GLIS3: variants seen among roughly 807,000 people sequenced by gnomAD.
GLIS3 encodes the protein GLIS family zinc finger 3, also known as zinc finger protein GLIS3.
Under a neutral mutation model 78.6 loss-of-function variants are expected in GLIS3, and 53 were observed. The observed-to-expected ratio is 0.67, with a 90% confidence interval of 0.54 to 0.85. The LOEUF (loss-of-function observed/expected upper bound fraction) is 0.85, where lower values mean the gene tolerates loss of function less well. Ranked by LOEUF, GLIS3 falls within the 40% of genes least tolerant of loss-of-function variation. The probability of loss-of-function intolerance (pLI) is 0.00; values close to 1 mark genes in which losing one functional copy is unlikely to be tolerated. For missense variants in GLIS3, 1,703 were observed against 1,231.1 expected (o/e 1.38, Z -5.74); for synonymous variants, 684 against 509.9 (o/e 1.34, Z -4.60).
At chr9:4,045,182 G>C (rs1235344288) in intron 4 of GLIS3, among the ~76,000 whole-genome samples, 1 of 152,060 alleles carries the variant, frequency 6.6e-6, no homozygotes, top group Non-Finnish European at 1.5e-5. Context: ...TTGCCATTTT[G>C]GCCATATTGA....
At chr9:4,343,475 C>G (rs1454015848) in intron 2 of GLIS3, among the ~76,000 whole-genome samples, 1 of 152,214 alleles carries the variant, frequency 6.6e-6, no homozygotes, top group Non-Finnish European at 1.5e-5. Flanking sequence ...GAAATGTAAA[C>G]TAGTTCAGCT....
chr9:4,433,386 C>A, the GLIS3 span, among the ~76,000 whole-genome samples: 1 of 152,030 alleles, frequency 6.6e-6, no homozygotes, highest in Non-Finnish European at 1.5e-5. Context: ...AAGCAGAGAT[C>A]GCACCACTTC....
the GLIS3 span, among the ~76,000 whole-genome samples, chr9:4,468,315 C>T: frequency 6.6e-6 from 1 of 152,122 alleles, no homozygotes; most frequent in African/African-American, 2.4e-5. Context: ...AGAAGAGCAA[C>T]TCCAAGACAC....
At chr9:3,845,768 G>C (rs556966059) in intron 9 of GLIS3, among the ~76,000 whole-genome samples, 12 of 152,130 alleles carry the variant, frequency 7.9e-5, no homozygotes, top group Non-Finnish European at 1.8e-4. Context: ...CACACACAGT[G>C]GGGTAATCCC....
intron 4 of GLIS3, among the ~76,000 whole-genome samples, chr9:3,960,359 C>T (rs1286863225): frequency 6.6e-6 from 1 of 152,164 alleles, no homozygotes; most frequent in Non-Finnish European, 1.5e-5. Context: ...CTTAAGGCAC[C>T]CAGTTTGTGG....
chr9:4,436,810 CAAAAAAAAAAA>C, the GLIS3 span, among the ~76,000 whole-genome samples: 4 of 53,574 alleles, frequency 7.5e-5, no homozygotes, highest in Non-Finnish European at 9.9e-5. Flanking sequence ...GACTGCATCT[CAAAAAAAAAAA>C]AAAAAAAAAA....
intron 4 of GLIS3, among the ~76,000 whole-genome samples, chr9:4,306,291 G>A (rs1301965041): frequency 6.7e-6 from 1 of 150,158 alleles, no homozygotes; most frequent in Non-Finnish European, 1.5e-5. Context: ...CCCAGGCTGT[G>A]GGTTTTTCAG....
intron 2 of GLIS3, among the ~76,000 whole-genome samples, chr9:4,161,181 G>A (rs1312735426): frequency 6.6e-6 from 1 of 152,016 alleles, no homozygotes; most frequent in Non-Finnish European, 1.5e-5. Context: ...ACAGAGGCAG[G>A]AAGATTGCTT....
the GLIS3 span, among the ~76,000 whole-genome samples, chr9:4,451,619 C>T: frequency 3.9e-5 from 6 of 151,978 alleles, no homozygotes; most frequent in Non-Finnish European, 5.9e-5. Flanking sequence ...CCTCAGCAAA[C>T]GTAAAATAAC....
the GLIS3 span, among the ~76,000 whole-genome samples, chr9:4,376,253 G>A: frequency 6.6e-6 from 1 of 152,230 alleles, no homozygotes; most frequent in East Asian, 1.9e-4. Context: ...ACAGGTTGGT[G>A]GGGAAAACTT....
intron 4 of GLIS3, among the ~76,000 whole-genome samples, chr9:4,058,352 G>A (rs1826319618): frequency 2.0e-5 from 3 of 151,576 alleles, no homozygotes; most frequent in Non-Finnish European, 1.5e-5. Context: ...ATACTGCTCT[G>A]GGTTCAGAAA....
chr9:4,252,077 T>C (rs575271391), intron 2 of GLIS3, among the ~76,000 whole-genome samples: 1 of 152,306 alleles, frequency 6.6e-6, no homozygotes, highest in Admixed American at 6.5e-5. Context: ...CTGATAATTA[T>C]GTGTCTTGGG....
chr9:3,867,540 C>G (rs7022454), intron 8 of GLIS3, among the ~76,000 whole-genome samples: 118,229 of 152,154 alleles, frequency 0.78, 46,102 homozygotes, highest in East Asian at 0.97. Flanking sequence ...TTGAGAAGTA[C>G]CAGAAATTTT....
intron 2 of GLIS3, among the ~76,000 whole-genome samples, chr9:4,150,455 G>C (rs780291452): frequency 6.6e-6 from 1 of 152,234 alleles, no homozygotes; most frequent in Admixed American, 6.5e-5. Flanking sequence ...AGTTCAGTCT[G>C]TGGCAAGCTC....
intron 8 of GLIS3, among the ~76,000 whole-genome samples, chr9:3,870,005 A>C (rs923943663): frequency 1.3e-5 from 2 of 152,198 alleles, no homozygotes; most frequent in Non-Finnish European, 2.9e-5. Context: ...GGAAGTTTTT[A>C]TATAGAAACA....
the GLIS3 span, among the ~76,000 whole-genome samples, chr9:4,442,525 C>T: frequency 9.4e-4 from 143 of 152,200 alleles, 1 homozygote; most frequent in Middle Eastern, 3.4e-3. Flanking sequence ...AAACACTGCT[C>T]TATTTTCCAA....
chr9:4,032,876 C>T (rs1248516716), intron 4 of GLIS3, among the ~76,000 whole-genome samples: 2 of 151,068 alleles, frequency 1.3e-5, no homozygotes, highest in Non-Finnish European at 2.9e-5. Context: ...TTTCCTGAGA[C>T]AGAGTCTCGC....
the GLIS3 span, among the ~76,000 whole-genome samples, chr9:4,444,611 T>G: frequency 6.6e-6 from 1 of 152,224 alleles, no homozygotes; most frequent in African/African-American, 2.4e-5. Flanking sequence ...CTGATAACTT[T>G]GCCGATTATC....
upstream of GLIS3, among the ~76,000 whole-genome samples, chr9:4,351,176 G>A (rs540833462): frequency 2.0e-5 from 3 of 152,202 alleles, no homozygotes; most frequent in Admixed American, 1.3e-4. Flanking sequence ...ACAGGAGGTG[G>A]AGGTTGCAGT....
Sources: allele counts gnomAD v4.1 joint callset (sites outside exome capture counted in the v4.1 genomes callset), GRCh38; gene constraint gnomAD v4.1.1; transcripts MANE v1.5; gene names NCBI Gene and HGNC (gene_info 2026-07-23, HGNC 2026-07-21).